ATP10B: variants seen among roughly 807,000 people sequenced by gnomAD.
ATP10B encodes phospholipid-transporting ATPase VB.
ATP10B carries 122 observed loss-of-function variants against 141.2 expected under a neutral mutation model. The observed-to-expected ratio is 0.86, with a 90% CI of 0.75 to 1.00. ATP10B has a LOEUF of 1.00. Ranked by LOEUF, ATP10B falls within the 50% of genes least tolerant of loss-of-function variation. The pLI is 0.00. For missense variants in ATP10B, 1,876 were observed against 1,825.3 expected (o/e 1.03, Z -0.51); for synonymous variants, 685 against 692.0 (o/e 0.99, Z 0.16).
intron 1 of ATP10B, among the ~76,000 whole-genome samples, chr5:160,832,225 T>C (rs1775134242): frequency 6.6e-6 from 1 of 152,170 alleles, no homozygotes; most frequent in South Asian, 2.1e-4. Flanking sequence ...AAATCAGCCT[T>C]AGAAATACTC....
intron 17 of ATP10B, chr5:160,614,382 C>T (rs2127640685): frequency 6.6e-6 from 1 of 152,216 alleles, no homozygotes; most frequent in Non-Finnish European, 1.5e-5. Context: ...GTTCTCTTCA[C>T]CCAGAAGAAC....
intron 7 of ATP10B, among the ~76,000 whole-genome samples, chr5:160,653,203 A>G (rs1761042236): frequency 7.4e-6 from 1 of 135,528 alleles, no homozygotes; most frequent in South Asian, 2.2e-4. Flanking sequence ...AATATATTAT[A>G]TACTATATAT....
chr5:160,644,297 T>TGACAGTACC, intron 8 of ATP10B, 53 bp from the exon 9 acceptor site: 1 of 1,258,990 alleles, frequency 7.9e-7, no homozygotes, highest in Non-Finnish European at 1.2e-6. Context: ...TTCCTTGCTG[T>TGACAGTACC]CACTGGGTAC....
chr5:160,590,604 G>T (rs2127611753), intron 23 of ATP10B, among the ~76,000 whole-genome samples: 1 of 152,254 alleles, frequency 6.6e-6, no homozygotes, highest in South Asian at 2.1e-4. Context: ...GGAACTTGCT[G>T]CCTCTGAAGG....
chr5:160,670,339 G>T, intron 7 of ATP10B, 124 bp downstream of exon 7: 4 of 836,388 alleles, frequency 4.8e-6, no homozygotes, highest in Non-Finnish European at 7.9e-6. Context: ...TATCTAAAGT[G>T]CTAGGGAAAA....
intron 6 of ATP10B, among the ~76,000 whole-genome samples, chr5:160,682,509 C>A (rs558020417): frequency 6.6e-6 from 1 of 152,294 alleles, no homozygotes; most frequent in Middle Eastern, 3.4e-3. Flanking sequence ...CCTGCCAGCT[C>A]CCAGCACAGA....
rs775863902 is a variant in ATP10B at position 160,598,758 on chromosome 5, C to T, written c.3564+12G>A. ...CTGAAGTCACCTCCCTTTGGCTGCC[C>T]GATCTCCTTACCTCAGAGTTCTGGC... is the stretch of plus-strand genomic sequence containing the variant. On this transcript the variant is annotated intron_variant, in intron 22 of 25. Transcript: ENST00000327245. The T allele has an allele frequency of 6.2e-6, 10 of 1,613,280 alleles. No individual in the cohort carries two copies. Among genetic ancestry groups the T allele is most frequent in the East Asian group, 2.2e-5 (1 of 44,862 alleles).
intron 1 of ATP10B, among the ~76,000 whole-genome samples, chr5:160,812,991 G>T (rs1221111642): frequency 4.6e-5 from 7 of 152,168 alleles, no homozygotes; most frequent in African/African-American, 1.7e-4. Flanking sequence ...AATAAAGAAA[G>T]AATCTTGAGA....
intron 22 of ATP10B, among the ~76,000 whole-genome samples, chr5:160,596,926 C>T (rs1756736633): frequency 6.6e-6 from 1 of 152,202 alleles, no homozygotes; most frequent in Non-Finnish European, 1.5e-5. Flanking sequence ...ATTCCATGCT[C>T]ATGGGTAGGA....
In ATP10B at chr5:160,649,181, T is replaced by C; in HGVS notation, c.751A>G (p.Lys251Glu). ...ACATGAGATACTTACATATAACCCT[T>C]AAATTTGTTGAGGTGGTTGTTGGGT... ...EKPNNHLNKF[K>E]GYMEHPDQTR... Residue 251 changes from lysine (K) to glutamate (E), a missense_variant, in exon 8 of 26, where the codon AAG becomes GAG. Transcript: ENST00000327245. 6.2e-7 allele frequency: 1 copy of C among 1,612,910 alleles called. No homozygotes were observed. The highest frequency in any genetic ancestry group is 8.5e-7 in the Non-Finnish European group (1 of 1,178,974).
chr5:160,783,636 T>A (rs1195573121), intron 2 of ATP10B, among the ~76,000 whole-genome samples: 1 of 149,862 alleles, frequency 6.7e-6, no homozygotes, highest in Non-Finnish European at 1.5e-5. Flanking sequence ...CACTCACTGA[T>A]TGATGGGCAT....
chr5:160,684,683 T>C (rs1474521883), intron 6 of ATP10B, among the ~76,000 whole-genome samples: 1 of 152,230 alleles, frequency 6.6e-6, no homozygotes, highest in Non-Finnish European at 1.5e-5. Flanking sequence ...GATTGTAGAC[T>C]ATAAAGCTCA....
chr5:160,602,090 A>G (rs1057180801), intron 21 of ATP10B, among the ~76,000 whole-genome samples: 3 of 152,212 alleles, frequency 2.0e-5, no homozygotes, highest in Non-Finnish European at 2.9e-5. Context: ...ATGAGACTTA[A>G]CTCCAAGAGT....
At chr5:160,574,479 T>C (rs1755067363) in intron 24 of ATP10B, among the ~76,000 whole-genome samples, 2 of 152,328 alleles carry the variant, frequency 1.3e-5, no homozygotes, top group South Asian at 4.1e-4. Context: ...GATTGGTCTG[T>C]AATTTTCTTT....
intron 2 of ATP10B, among the ~76,000 whole-genome samples, chr5:160,766,925 C>G (rs1465534692): frequency 6.6e-6 from 1 of 152,098 alleles, no homozygotes; most frequent in Non-Finnish European, 1.5e-5. Context: ...GTCAAGGCAG[C>G]TGCAGTTTGA....
chr5:160,636,825 C>T (rs369303160), intron 10 of ATP10B, among the ~76,000 whole-genome samples: 5 of 151,518 alleles, frequency 3.3e-5, no homozygotes, highest in East Asian at 3.9e-4. Context: ...TCCACCCATC[C>T]ATCAATTCTT....
At chr5:160,649,365 T>C (rs1319219720) in intron 7 of ATP10B, 109 bp from the exon 8 acceptor site, 10 of 772,384 alleles carry the variant, frequency 1.3e-5, no homozygotes, top group African/African-American at 1.8e-5. Context: ...AGGTAATCCA[T>C]GCTTTGTCAC....
chr5:160,693,996 G>C (rs1250788016), intron 3 of ATP10B, among the ~76,000 whole-genome samples: 1 of 152,194 alleles, frequency 6.6e-6, no homozygotes, highest in Non-Finnish European at 1.5e-5. Flanking sequence ...TGGAGAGACA[G>C]CCCAGGGTCA....
At chr5:160,876,750 C>A in the ATP10B span, among the ~76,000 whole-genome samples, 2 of 151,164 alleles carry the variant, frequency 1.3e-5, no homozygotes, top group Non-Finnish European at 3.0e-5. Context: ...GAGAATACTA[C>A]AAACACCTCT....
Sources: gnomAD v4.1 joint callset for allele counts (sites outside exome capture counted in the v4.1 genomes callset) on GRCh38, gnomAD v4.1.1 for gene constraint, MANE v1.5 for transcripts, NCBI Gene and HGNC (gene_info 2026-07-23, HGNC 2026-07-21) for gene names.